The following DCST1 variants were observed in gnomAD, a reference collection of about 807,000 sequenced individuals.
The protein encoded by DCST1 is DC-STAMP domain containing 1.
Under a neutral mutation model 89.1 loss-of-function variants are expected in DCST1, and 78 were observed. The observed-to-expected ratio is 0.88, with a 90% confidence interval of 0.73 to 1.06. The LOEUF (loss-of-function observed/expected upper bound fraction) is 1.06. DCST1 is among the 50% of genes least tolerant of loss of function. The pLI is 0.00. For missense variants in DCST1, 900 were observed against 928.6 expected (o/e 0.97, Z 0.40); for synonymous variants, 364 against 371.9 (o/e 0.98, Z 0.24).
intron 4 of DCST1, chr1:155,035,281 C>G (rs1292778022): frequency 6.5e-6 from 1 of 154,714 alleles, no homozygotes; most frequent in Non-Finnish European, 1.4e-5. Context: ...TCCTGCTCAG[C>G]CTCCCAAGTA....
At chr1:155,037,001 ATCC>A (rs1660297378) in intron 4 of DCST1, among the ~76,000 whole-genome samples, 1 of 152,124 alleles carries the variant, frequency 6.6e-6, no homozygotes, top group Non-Finnish European at 1.5e-5. Flanking sequence ...GGCTCAAGCT[ATCC>A]TCCCGCCTCT....
At chr1:155,035,013 CCTGT>C in intron 4 of DCST1, 1 of 418,124 alleles carries the variant, frequency 2.4e-6, no homozygotes, top group Non-Finnish European at 4.3e-6. Context: ...TCTCTCCTGA[CCTGT>C]CTGACCTCGT....
intron 8 of DCST1, among the ~76,000 whole-genome samples, chr1:155,042,106 T>C (rs944998367): frequency 6.6e-6 from 1 of 152,184 alleles, no homozygotes; most frequent in African/African-American, 2.4e-5. Context: ...GCATTAATTT[T>C]TTTTTTTGAG....
intron 6 of DCST1, 120 bp from the exon 7 acceptor site, chr1:155,041,277 C>T: frequency 3.0e-6 from 3 of 1,000,422 alleles, no homozygotes; most frequent in South Asian, 1.6e-5. Flanking sequence ...AGGGCCTAGG[C>T]TCCCTGTCGG....
intron 13 of DCST1, 112 bp downstream of exon 13, chr1:155,046,598 C>CTTTTTTTTTT: frequency 1.2e-5 from 5 of 415,798 alleles, no homozygotes; most frequent in Admixed American, 6.8e-5. Context: ...GTCCTTCTGC[C>CTTTTTTTTTT]TCTTTTTTTT....
Position 155,043,506 on chromosome 1 carries a change from A to G in DCST1, c.1169A>G (p.His390Arg). ...TCCTGCACTTTCCTGCTGGTCCTGCATGCGTGAGCCATAGTCCCCACCCCA... is the reference window on the plus strand; with the variant it reads ...TCCTGCACTTTCCTGCTGGTCCTGCGTGCGTGAGCCATAGTCCCCACCCCA... ...LLSCTFLLVL[H>R]ASFSYMDSYN... The change falls in exon 10 of 17, where the codon CAT (histidine) becomes CGT (arginine). Residue 390 changes from histidine (H) to arginine (R), a missense_variant. Transcript: ENST00000295542. The G allele has an allele frequency of 6.3e-7, 1 of 1,584,294 alleles. No individual in the cohort carries two copies. The highest frequency in any genetic ancestry group is 8.6e-7 in the Non-Finnish European group (1 of 1,164,248).
rs374408262 is a variant in DCST1 at position 155,039,551 on chromosome 1, T to C, written c.391+20T>C. On this transcript the variant is annotated intron_variant, in intron 5 of 16. Coordinates refer to ENST00000295542, the MANE Select transcript of DCST1 (RefSeq NM_152494.4). Reference sequence around the variant, plus strand: ...ATGTGGGTGAGTATGTGGGGGCCAGTGAGTTACACTGAAGCAGTGACCCTG... The same window carrying C: ...ATGTGGGTGAGTATGTGGGGGCCAGCGAGTTACACTGAAGCAGTGACCCTG... The C allele has an allele frequency of 3.4e-5, 53 of 1,547,958 alleles. No homozygotes were observed. Among genetic ancestry groups the C allele is most frequent in the Non-Finnish European group, 2.4e-5 (28 of 1,143,566 alleles).
intron 7 of DCST1, 49 bp from the exon 8 acceptor site, chr1:155,041,665 T>C (rs1449772484): frequency 2.5e-6 from 4 of 1,613,850 alleles, no homozygotes; most frequent in Non-Finnish European, 3.4e-6. Flanking sequence ...GGGGCCAGCA[T>C]TGTGGATCAA....
chr1:155,041,379 C>T lies in DCST1; in HGVS notation c.532-18C>T. Reference sequence around the variant, plus strand: ...AGCCCCAGCCCTCACCCTTTCCTCCCTCCACCTCCAATCCCAGAGTAGCAA... The same window carrying T: ...AGCCCCAGCCCTCACCCTTTCCTCCTTCCACCTCCAATCCCAGAGTAGCAA... On this transcript the variant is annotated intron_variant, in intron 6 of 16. Coordinates refer to ENST00000295542, the MANE Select transcript of DCST1 (RefSeq NM_152494.4). The T allele has an allele frequency of 2.5e-6, 4 of 1,613,034 alleles. No individual in the cohort carries two copies. Among genetic ancestry groups the T allele is most frequent in the Non-Finnish European group, 3.4e-6 (4 of 1,179,708 alleles).
rs780151751 is a variant in DCST1 at position 155,046,236 on chromosome 1, G to C, written c.1368+16G>C. 2 of 1,614,192 alleles carry C rather than the reference G, an allele frequency of 1.2e-6. No individual in the cohort carries two copies. The highest frequency in any genetic ancestry group is 1.3e-5 in the African/African-American group (1 of 75,032). ...GAGCAATGTGGTGAGGACAGCATGG[G>C]GAGCGGACTCCTGGGTGCAAAGACA... On this transcript the variant is annotated intron_variant, in intron 12 of 16. Transcript: ENST00000295542.
chr1:155,034,182 C>A, intron 2 of DCST1, 85 bp downstream of exon 2: 2 of 1,576,460 alleles, frequency 1.3e-6, no homozygotes, highest in Non-Finnish European at 8.7e-7. Context: ...CACTATCCCC[C>A]AACTCGGTGT....
chr1:155,044,855 G>C (rs1378506717), intron 10 of DCST1, among the ~76,000 whole-genome samples: 1 of 152,168 alleles, frequency 6.6e-6, no homozygotes, highest in Non-Finnish European at 1.5e-5. Context: ...GGCTGGGTTG[G>C]AGGTTAGGGA....
At chr1:155,044,424 G>A (rs1337003405) in intron 10 of DCST1, among the ~76,000 whole-genome samples, 1 of 146,896 alleles carries the variant, frequency 6.8e-6, no homozygotes, top group African/African-American at 2.5e-5. Context: ...GCAGTGAGCT[G>A]TGATTGTGCC....
In DCST1 at chr1:155,037,438, CT is replaced by C. The variant is rs781136167; in HGVS notation, c.263-1942del. ...CTTCCAGGAAATCCACATTGTTGGTCTTTTTTTTTTTTTTTTTTTTTTTAAG... is the reference window on the plus strand; with the variant it reads ...CTTCCAGGAAATCCACATTGTTGGTCTTTTTTTTTTTTTTTTTTTTTTAAG... On this transcript the variant is annotated intron_variant, in intron 4 of 16. Coordinates refer to ENST00000295542, the MANE Select transcript of DCST1 (RefSeq NM_152494.4). Among the ~76,000 whole-genome samples the C allele has an allele frequency of 6.6e-3, 831 of 125,810 alleles. 5 individuals are homozygous for C. The highest frequency in any genetic ancestry group is 8.9e-3 in the African/African-American group (297 of 33,468). The allele number at this position is 125,810 out of a possible 152,430, so 82.5% of individuals were successfully genotyped here. A position where few individuals can be genotyped will look rare whatever the true frequency, so the allele number is the denominator to read the frequency against.
At chr1:155,041,336 A>T in intron 6 of DCST1, 61 bp from the exon 7 acceptor site, 1 of 1,566,850 alleles carries the variant, frequency 6.4e-7, no homozygotes, top group Non-Finnish European at 8.8e-7. Flanking sequence ...ACAGGCCCTC[A>T]GGCAGCAGAA....
chr1:155,049,608 G>A (rs1660800951), intron 16 of DCST1, among the ~76,000 whole-genome samples: 1 of 152,030 alleles, frequency 6.6e-6, no homozygotes, highest in Non-Finnish European at 1.5e-5. Context: ...TTTATGTACA[G>A]TATCTTAGTA....
intron 4 of DCST1, among the ~76,000 whole-genome samples, chr1:155,039,103 C>T (rs998005339): frequency 2.0e-5 from 3 of 152,196 alleles, no homozygotes; most frequent in East Asian, 1.9e-4. Context: ...CACTGTAGCC[C>T]GGAAAACCTT....
chr1:155,045,689 G>T (rs1660595222), intron 10 of DCST1: 1 of 589,518 alleles, frequency 1.7e-6, no homozygotes, highest in African/African-American at 1.9e-5. Context: ...TCATGTAGGG[G>T]GATGTCTTCC....
chr1:155,046,515 G>A, intron 13 of DCST1, 29 bp downstream of exon 13: 7 of 1,610,386 alleles, frequency 4.3e-6, no homozygotes, highest in Non-Finnish European at 5.9e-6. Flanking sequence ...CACATTCCAG[G>A]CCCAAGAGAC....
Sources: gnomAD v4.1 joint callset for allele counts (sites outside exome capture counted in the v4.1 genomes callset) on GRCh38, gnomAD v4.1.1 for gene constraint, MANE v1.5 for transcripts, NCBI Gene and HGNC (gene_info 2026-07-23, HGNC 2026-07-21) for gene names.